C6: variants seen among roughly 807,000 people sequenced by gnomAD.
The protein encoded by C6 is complement C6.
C6 carries 101 observed loss-of-function variants against 112.9 expected under a neutral mutation model. The observed-to-expected ratio is 0.89, with a 90% CI of 0.76 to 1.06. The LOEUF is 1.06. Ranked by LOEUF, C6 falls within the 50% of genes least tolerant of loss-of-function variation. The pLI, the probability that C6 is intolerant of heterozygous loss-of-function variation, is 0.00. For synonymous variants in C6, 431 were observed against 384.1 expected (o/e 1.12, Z -1.43); for missense variants, 1,202 against 1,104.6 (o/e 1.09, Z -1.25).
intron 7 of C6, among the ~76,000 whole-genome samples, chr5:41,180,039 C>T (rs1391281669): frequency 6.6e-6 from 1 of 152,120 alleles, no homozygotes; most frequent in African/African-American, 2.4e-5. Context: ...ATCTATTCAT[C>T]TGCAAAATGA....
At chr5:41,249,804 T>C (rs952203131) in intron 1 of C6, among the ~76,000 whole-genome samples, 1 of 152,114 alleles carries the variant, frequency 6.6e-6, no homozygotes, top group African/African-American at 2.4e-5. Context: ...TCAGAGCAAA[T>C]AGGCTCATTT....
chr5:41,142,696 A>G lies in C6; in HGVS notation c.*129T>C, dbSNP rs1040155561. ...AGGGGAGAATAATGATCTCAAACTA[A>G]CAGAAAATAATTTTTGTCAGTAACT... is the stretch of plus-strand genomic sequence containing the variant. On this transcript the variant is annotated 3_prime_UTR_variant, in exon 18 of 18. Transcript: ENST00000337836. The G allele has an allele frequency of 1.3e-6, 1 of 768,288 alleles. No individual in the cohort carries two copies. Among genetic ancestry groups the G allele is most frequent in the Non-Finnish European group, 2.3e-6 (1 of 434,688 alleles). The allele number at this position is 768,288 out of a possible 1,614,324, so 47.6% of individuals were successfully genotyped here.
chr5:41,166,171 C>T (rs756127372), intron 9 of C6, among the ~76,000 whole-genome samples: 9 of 152,134 alleles, frequency 5.9e-5, no homozygotes, highest in African/African-American at 1.9e-4. Context: ...TTTTCACATG[C>T]AGCACCTATT....
chr5:41,210,056 A>T (rs977903310), intron 1 of C6, among the ~76,000 whole-genome samples: 39 of 152,224 alleles, frequency 2.6e-4, no homozygotes, highest in African/African-American at 9.2e-4. Flanking sequence ...CCTCAGAAAT[A>T]ATACCACACG....
intron 1 of C6, among the ~76,000 whole-genome samples, chr5:41,230,638 C>T (rs1739837311): frequency 1.3e-5 from 2 of 152,076 alleles, no homozygotes. Flanking sequence ...TTGCCTTTGC[C>T]TTTGTGATCT....
At chr5:41,226,699 C>A (rs1739530343) in intron 1 of C6, among the ~76,000 whole-genome samples, 1 of 152,134 alleles carries the variant, frequency 6.6e-6, no homozygotes, top group Admixed American at 6.6e-5. Flanking sequence ...TAAGTGAGAT[C>A]ACACAATGTT....
intron 6 of C6, among the ~76,000 whole-genome samples, chr5:41,182,796 C>T (rs1222232687): frequency 6.6e-6 from 1 of 152,190 alleles, no homozygotes; most frequent in Non-Finnish European, 1.5e-5. Context: ...TGAAGAAATA[C>T]CACTATGACC....
At position 41,199,845 on chromosome 5, in the gene C6, G is replaced by T. The variant is rs753933508; in HGVS notation, c.368C>A (p.Ala123Asp). ...CTTAGATGGAATGCATGGTTGAAAG[G>T]CTACCAGAGGCGCAGTGCATGGCTG... is the stretch of plus-strand genomic sequence containing the variant. ...GGQPCTAPLV[A>D]FQPCIPSKLC... is the part of the protein sequence containing the mutation. The change falls in exon 4 of 18, where the codon GCC becomes GAC. Residue 123 changes from alanine to aspartate, a missense_variant. Transcript: ENST00000337836. 5.6e-6 allele frequency: 9 copies of T among 1,613,564 alleles called. No individual in the cohort carries two copies. Among genetic ancestry groups the T allele is most frequent in the South Asian group, 2.2e-5 (2 of 91,062 alleles).
chr5:41,197,142 T>C (rs941613293), intron 4 of C6, among the ~76,000 whole-genome samples: 7 of 152,192 alleles, frequency 4.6e-5, no homozygotes, highest in African/African-American at 1.7e-4. Context: ...TAATAGTGGG[T>C]TCCCAAGAAA....
In C6 at chr5:41,154,087, T is replaced by C. The variant is rs1432129687; in HGVS notation, c.2102-89A>G. 3.6e-6 allele frequency: 4 copies of C among 1,098,910 alleles called. No individual in the cohort carries two copies. The East Asian group carries it at 9.9e-5, about 27-fold the overall frequency. 68.1% of individuals were successfully genotyped at this position (1,098,910 alleles called of 1,614,324 possible). On this transcript the variant is annotated intron_variant, in intron 14 of 17. Coordinates refer to ENST00000337836, the MANE Select transcript of C6 (RefSeq NM_000065.5). ...TTTTGTGCAACCAAAGAGGTGATTT[T>C]GATGAGATTTACTGCATCTGTTCAG...
chr5:41,160,448 G>A (rs1176358307), intron 10 of C6, 81 bp from the exon 11 acceptor site: 6 of 1,085,902 alleles, frequency 5.5e-6, no homozygotes, highest in Non-Finnish European at 8.5e-6. Flanking sequence ...TCTCTGAAAT[G>A]AGAGGGAAAG....
In C6 at chr5:41,235,269, T is replaced by G. The variant is rs62361637; in HGVS notation, c.-21+25925A>C. ...AGTCCCCAGAGTGTGATATTCCCCT[T>G]CCTGTGTCCATGTGATCTCATTGTT... On this transcript the variant is annotated intron_variant, in intron 1 of 17. Transcript: ENST00000263413. Among the ~76,000 whole-genome samples the G allele has an allele frequency of 5.2e-3, 665 of 128,450 alleles. 4 individuals are homozygous for G. The highest frequency in any genetic ancestry group is 7.8e-3 in the Non-Finnish European group (476 of 61,168). The allele number at this position is 128,450 out of a possible 152,430, so 84.3% of individuals were successfully genotyped here.
chr5:41,212,126 G>T lies in C6; in HGVS notation c.-21+1250C>A, dbSNP rs1402554026. Reference sequence around the variant, plus strand: ...TTCTTTTTTAATATTCTATTATTAGGAATACAAATTGTTTTATGTTAAAAC... The same window carrying T: ...TTCTTTTTTAATATTCTATTATTAGTAATACAAATTGTTTTATGTTAAAAC... On this transcript the variant is annotated intron_variant, in intron 1 of 17. Coordinates refer to ENST00000337836, the MANE Select transcript of C6 (RefSeq NM_000065.5). 2.0e-5 allele frequency among the ~76,000 whole-genome samples: 3 copies of T among 151,966 alleles called. No homozygotes were observed. In the East Asian group the frequency reaches 5.8e-4, roughly 29 times the overall value.
At chr5:41,195,634 C>T (rs1157911711) in intron 5 of C6, among the ~76,000 whole-genome samples, 158 bp downstream of exon 5, 1 of 152,214 alleles carries the variant, frequency 6.6e-6, no homozygotes, top group Non-Finnish European at 1.5e-5. Context: ...ATCATGGCCA[C>T]ATACCTCCTG....
intron 1 of C6, among the ~76,000 whole-genome samples, chr5:41,244,447 C>T (rs1740904993): frequency 6.6e-6 from 1 of 152,158 alleles, no homozygotes; most frequent in Admixed American, 6.6e-5. Context: ...TCATACTTCA[C>T]AAATGGTAAA....
intron 5 of C6, among the ~76,000 whole-genome samples, chr5:41,193,795 A>ATT (rs11460725): frequency 0.48 from 66,345 of 137,144 alleles, 16,330 homozygotes; most frequent in Non-Finnish European, 0.54. Context: ...TCAGGAAGCT[A>ATT]TTTTTTTTTT....
intron 17 of C6, among the ~76,000 whole-genome samples, chr5:41,143,859 C>T (rs903127627): frequency 5.3e-5 from 8 of 152,138 alleles, no homozygotes; most frequent in African/African-American, 1.9e-4. Flanking sequence ...CACCAAAGCA[C>T]TTCATAATTC....
At chr5:41,165,789 C>T (rs191313326) in intron 9 of C6, among the ~76,000 whole-genome samples, 1 of 152,042 alleles carries the variant, frequency 6.6e-6, no homozygotes, top group African/African-American at 2.4e-5. Flanking sequence ...ATTTTACTTA[C>T]AAGAAGAAAG....
At chr5:41,170,713 T>C (rs1318918757) in intron 9 of C6, among the ~76,000 whole-genome samples, 1 of 152,082 alleles carries the variant, frequency 6.6e-6, no homozygotes. Context: ...ATTATTATAG[T>C]AAATATTATA....
Sources: allele counts gnomAD v4.1 joint callset (sites outside exome capture counted in the v4.1 genomes callset), GRCh38; gene constraint gnomAD v4.1.1; transcripts MANE v1.5; gene names NCBI Gene and HGNC (gene_info 2026-07-23, HGNC 2026-07-21).